The following LNPK variants were observed in gnomAD, a reference collection of about 807,000 sequenced individuals.
LNPK encodes the protein endoplasmic reticulum junction formation protein lunapark.
In LNPK, 29 loss-of-function variants were observed where a neutral mutation model predicts 55.2. The observed-to-expected ratio is 0.53, with a 90% CI of 0.39 to 0.72. LNPK has a LOEUF of 0.72. Ranked by LOEUF, LNPK falls within the 30% of genes least tolerant of loss-of-function variation. The pLI is 0.00. For missense variants in LNPK, 467 were observed against 494.8 expected (o/e 0.94, Z 0.53); for synonymous variants, 162 against 168.2 (o/e 0.96, Z 0.29).
chr2:175,957,629 C>T (rs1685761562), intron 8 of LNPK, among the ~76,000 whole-genome samples: 1 of 151,982 alleles, frequency 6.6e-6, no homozygotes. Flanking sequence ...GTCTGCAGCT[C>T]CCAGCACGAT....
At chr2:175,954,326 A>G (rs148028630) in intron 8 of LNPK, among the ~76,000 whole-genome samples, 154 of 152,300 alleles carry the variant, frequency 1.0e-3, no homozygotes, top group African/African-American at 3.3e-3. Context: ...CAACTTATTT[A>G]GAGTGATAAA....
At position 175,929,871 on chromosome 2, in the gene LNPK, C is replaced by A. The variant is rs1684178374; in HGVS notation, c.*96G>T. 1 of 1,547,904 alleles carries A rather than the reference C, an allele frequency of 6.5e-7. No individual in the cohort carries two copies. Among genetic ancestry groups the A allele is most frequent in the Non-Finnish European group, 8.7e-7 (1 of 1,146,926 alleles). ...GAATTCAAATGATACACAAGCATAC[C>A]CTTAGAGGGGCAAAAAAAGTAAGTG... On this transcript the variant is annotated 3_prime_UTR_variant, in exon 13 of 13. Coordinates refer to ENST00000272748, the MANE Select transcript of LNPK (RefSeq NM_030650.3).
Position 176,002,247 on chromosome 2 carries a change from A to G in LNPK, c.-150T>C. 1 of 451,064 alleles carries G rather than the reference A, an allele frequency of 2.2e-6. No individual in the cohort carries two copies. The allele number at this position is 451,064 out of a possible 1,614,324, so 27.9% of individuals were successfully genotyped here. A position where few individuals can be genotyped will look rare whatever the true frequency, so the allele number is the denominator to read the frequency against. On this transcript the variant is annotated 5_prime_UTR_variant, in exon 1 of 13. Transcript: ENST00000272748. ...CCAGCCTGCCTCCAGAGCAGGCAGC[A>G]GCCGCCACTGACAGAGAGACAAGCC...
intron 5 of LNPK, among the ~76,000 whole-genome samples, chr2:175,974,465 A>C (rs1216357714): frequency 3.3e-5 from 5 of 152,194 alleles, no homozygotes; most frequent in African/African-American, 9.6e-5. Context: ...TGTCACAGCT[A>C]CTCAATTCTG....
At chr2:175,985,416 T>A (rs1037855309) in intron 4 of LNPK, among the ~76,000 whole-genome samples, 1 of 152,250 alleles carries the variant, frequency 6.6e-6, no homozygotes, top group Admixed American at 6.5e-5. Flanking sequence ...GGCTTAATAT[T>A]TGTTGATATG....
At chr2:175,970,335 T>C (rs1686598446) in intron 6 of LNPK, among the ~76,000 whole-genome samples, 1 of 152,130 alleles carries the variant, frequency 6.6e-6, no homozygotes, top group Non-Finnish European at 1.5e-5. Flanking sequence ...CCATCTCTTC[T>C]TCAGTATTTT....
At chr2:175,981,907 A>G (rs869066727) in intron 4 of LNPK, among the ~76,000 whole-genome samples, 1 of 152,146 alleles carries the variant, frequency 6.6e-6, no homozygotes, top group Non-Finnish European at 1.5e-5. Flanking sequence ...GTTTTAAGCT[A>G]CTAAGTTTTG....
intron 12 of LNPK, among the ~76,000 whole-genome samples, chr2:175,933,542 T>C (rs1313348722): frequency 6.6e-6 from 1 of 152,102 alleles, no homozygotes; most frequent in African/African-American, 2.4e-5. Flanking sequence ...GAGATTTTCC[T>C]GCCTTAAGGA....
intron 8 of LNPK, among the ~76,000 whole-genome samples, chr2:175,957,369 A>C (rs1685745920): frequency 6.6e-6 from 1 of 151,684 alleles, no homozygotes; most frequent in Non-Finnish European, 1.5e-5. Context: ...AAAAAAGAAA[A>C]CATCTCAAAA....
intron 5 of LNPK, among the ~76,000 whole-genome samples, chr2:175,976,018 A>AAAG (rs1559061904): frequency 2.0e-5 from 3 of 152,150 alleles, no homozygotes; most frequent in Admixed American, 6.5e-5. Context: ...ATCTCAAAAA[A>AAAG]AAAGAAAGAA....
rs778300949 is a variant in LNPK, at chr2:175,930,134, C to A, written c.1120G>T (p.Glu374Ter). 5 of 1,613,682 alleles carry A rather than the reference C, an allele frequency of 3.1e-6. No individual in the cohort carries two copies. Among genetic ancestry groups the A allele is most frequent in the Non-Finnish European group, 4.2e-6 (5 of 1,179,776 alleles). ...EQTDDKIPAT[E>*]QTNQVIEKAS... is the part of the protein sequence containing the mutation. ...TTTTCAATCACTTGGTTTGTCTGTT[C>A]TGTAGCTGGTATTTTGTCATCTGTC... The change falls in exon 13 of 13, where the codon GAA becomes TAA. Residue 374 changes from glutamate (E) to a stop codon, truncating the protein, a stop_gained. Coordinates refer to ENST00000272748, the MANE Select transcript of LNPK (RefSeq NM_030650.3). LOFTEE classifies it high-confidence loss of function.
At position 175,960,532 on chromosome 2, in the gene LNPK, T is replaced by C. The variant is rs554375421; in HGVS notation, c.493+3840A>G. Among the ~76,000 whole-genome samples, 43 of 152,088 alleles carry C rather than the reference T, an allele frequency of 2.8e-4. 1 individual carries two copies. The South Asian group carries it at 8.3e-3, about 29-fold the overall frequency. ...TCAATAAGAACAAAGACACAACATATCAGAATCTCTGGGACACATTTAAAG... is the reference window on the plus strand; with the variant it reads ...TCAATAAGAACAAAGACACAACATACCAGAATCTCTGGGACACATTTAAAG... On this transcript the variant is annotated intron_variant, in intron 8 of 12. Coordinates refer to ENST00000272748, the MANE Select transcript of LNPK (RefSeq NM_030650.3).
In LNPK at chr2:175,992,409, C is replaced by T; in HGVS notation, c.79G>A (p.Ala27Thr). 6.7e-7 allele frequency: 1 copy of T among 1,494,978 alleles called. No individual in the cohort carries two copies. The highest frequency in any genetic ancestry group is 1.5e-5 in the African/African-American group (1 of 68,770). The allele number at this position is 1,494,978 out of a possible 1,614,324, so 92.6% of individuals were successfully genotyped here. ...VLESIDKEIQ[A>T]LEEFREKNQR... ...TTTTTTTCCCTAAATTCTTCCAATGCTTGAATTTCCTGTTAAGAGAAAATT... is the reference window on the plus strand; with the variant it reads ...TTTTTTTCCCTAAATTCTTCCAATGTTTGAATTTCCTGTTAAGAGAAAATT... The change falls in exon 4 of 13, where the codon GCA (alanine) becomes ACA (threonine). Residue 27 changes from alanine to threonine, a missense_variant. Transcript: ENST00000272748.
intron 12 of LNPK, chr2:175,932,238 C>T: frequency 4.4e-6 from 2 of 449,950 alleles, no homozygotes; most frequent in South Asian, 3.2e-5. Context: ...CAAAAATAGA[C>T]TTTACTAGTC....
intron 1 of LNPK, among the ~76,000 whole-genome samples, chr2:175,997,709 G>A (rs1202636536): frequency 5.0e-5 from 7 of 140,180 alleles, no homozygotes; most frequent in African/African-American, 1.7e-4. Flanking sequence ...AATGCTCTGT[G>A]TGTGTGTGTG....
In LNPK at chr2:175,929,485, C is replaced by A. The variant is rs137879528; in HGVS notation, c.*482G>T. ...ACTTTCATACCGCTTAATGTAAACA[C>A]CTAAATAGACATTTCTCCCAGTTGT... On this transcript the variant is annotated 3_prime_UTR_variant, in exon 13 of 13. Transcript: ENST00000272748. 233 of 992,742 alleles carry A rather than the reference C, an allele frequency of 2.3e-4. 2 individuals are homozygous for A. In the African/African-American group the frequency reaches 3.6e-3, roughly 15 times the overall value. The allele number at this position is 992,742 out of a possible 1,614,324, so 61.5% of individuals were successfully genotyped here.
intron 8 of LNPK, among the ~76,000 whole-genome samples, chr2:175,952,041 A>G (rs1365938733): frequency 2.0e-5 from 3 of 151,018 alleles, no homozygotes; most frequent in Non-Finnish European, 4.4e-5. Flanking sequence ...TTCTTTTGAG[A>G]ATTGTCTATT....
chr2:175,938,034 T>C (rs1450949143), intron 11 of LNPK, among the ~76,000 whole-genome samples: 5 of 152,166 alleles, frequency 3.3e-5, no homozygotes, highest in African/African-American at 1.2e-4. Flanking sequence ...AAGGAGACTC[T>C]TTGTAAATGG....
chr2:175,991,436 A>C (rs1421711850), intron 4 of LNPK, among the ~76,000 whole-genome samples: 3 of 152,208 alleles, frequency 2.0e-5, no homozygotes, highest in Admixed American at 1.3e-4. Context: ...CGAACTTATA[A>C]TTTTACAAGC....
Sources: gnomAD v4.1 joint callset for allele counts (sites outside exome capture counted in the v4.1 genomes callset) on GRCh38, gnomAD v4.1.1 for gene constraint, MANE v1.5 for transcripts, NCBI Gene and HGNC (gene_info 2026-07-23, HGNC 2026-07-21) for gene names.